The following SLC25A33 variants were observed in gnomAD, a reference collection of about 807,000 sequenced individuals.
SLC25A33 encodes solute carrier family 25 member 33.
Under a neutral mutation model 35.5 loss-of-function variants are expected in SLC25A33, and 15 were observed. The ratio of observed to expected loss-of-function variants is 0.42; its 90% CI spans 0.28 to 0.65. The LOEUF is 0.65. SLC25A33 is among the 30% of genes least tolerant of loss of function. The pLI is 0.20. For missense variants in SLC25A33, 257 were observed against 398.5 expected, an observed-to-expected ratio of 0.64 and a Z score of 3.02; for synonymous variants, 136 against 148.7, an observed-to-expected ratio of 0.91 and a Z score of 0.62.
chr1:9,557,434 C>G (rs1643359990), intron 2 of SLC25A33, among the ~76,000 whole-genome samples: 1 of 152,078 alleles, frequency 6.6e-6, no homozygotes, highest in South Asian at 2.1e-4. Context: ...TGGCTCATGC[C>G]TGTATTCCTA....
chr1:9,575,163 A>G (rs1199858311), intron 5 of SLC25A33, among the ~76,000 whole-genome samples: 1 of 148,776 alleles, frequency 6.7e-6, no homozygotes, highest in African/African-American at 2.5e-5. Flanking sequence ...CAGTGCGCCA[A>G]GATCGTGCCA....
At chr1:9,548,682 T>C (rs1459554058) in intron 1 of SLC25A33, among the ~76,000 whole-genome samples, 1 of 152,250 alleles carries the variant, frequency 6.6e-6, no homozygotes, top group African/African-American at 2.4e-5. Context: ...TGCACATCTC[T>C]TAGAGTATGT....
chr1:9,570,720 T>C (rs1643578725), intron 4 of SLC25A33, among the ~76,000 whole-genome samples: 1 of 146,316 alleles, frequency 6.8e-6, no homozygotes, highest in Non-Finnish European at 1.5e-5. Context: ...TTTTTTTTTT[T>C]TTTTTGAGAC....
intron 1 of SLC25A33, among the ~76,000 whole-genome samples, chr1:9,549,278 G>A (rs1643225578): frequency 1.3e-5 from 2 of 151,510 alleles, no homozygotes; most frequent in Admixed American, 1.3e-4. Context: ...AAGCTCCCCA[G>A]GGCAAGCAAG....
intron 2 of SLC25A33, among the ~76,000 whole-genome samples, chr1:9,558,284 T>G (rs1643374129): frequency 6.6e-6 from 1 of 152,230 alleles, no homozygotes; most frequent in African/African-American, 2.4e-5. Flanking sequence ...CTCCTAGGAC[T>G]GCACCCTTCT....
intron 1 of SLC25A33, among the ~76,000 whole-genome samples, chr1:9,540,715 T>C (rs12140494): frequency 0.37 from 56,590 of 152,060 alleles, 13,509 homozygotes; most frequent in East Asian, 0.89. Context: ...AATAGTTTAT[T>C]CTGGGATGAT....
Position 9,583,281 on chromosome 1 carries a change from AT to A in SLC25A33, c.*785del, listed in dbSNP as rs1343679754. On this transcript the variant is annotated 3_prime_UTR_variant, in exon 7 of 7. Coordinates refer to ENST00000302692, the MANE Select transcript of SLC25A33 (RefSeq NM_032315.3). ...GTGGACCAGGACAAACTTCCCAGCA[AT>A]TTTTCTTCTTTGTACATTTCCAATT... The A allele has an allele frequency of 1.3e-5, 2 of 152,008 alleles. No individual in the cohort carries two copies. The highest frequency in any genetic ancestry group is 2.1e-4 in the South Asian group (1 of 4,812). The allele number at this position is 152,008 out of a possible 1,614,324, so 9.4% of individuals were successfully genotyped here.
chr1:9,564,530 A>G (rs2100394999), intron 2 of SLC25A33, among the ~76,000 whole-genome samples: 1 of 151,936 alleles, frequency 6.6e-6, no homozygotes, highest in African/African-American at 2.4e-5. Context: ...GTGTCCATCG[A>G]TGGGTGAATG....
chr1:9,566,788 G>A (rs779919810), intron 2 of SLC25A33, among the ~76,000 whole-genome samples: 11 of 152,174 alleles, frequency 7.2e-5, no homozygotes, highest in Admixed American at 2.0e-4. Flanking sequence ...GGAAGTTGCA[G>A]TGAGCCGAGA....
rs1354055684 is a variant in SLC25A33 at position 9,582,347 on chromosome 1, T to C, written c.812T>C (p.Phe271Ser). ...LREEGTKYKS[F>S]VQTARLVFRE... is the part of the protein sequence containing the mutation. ...GAAGAGGGCACCAAGTACAAGTCTT[T>C]TGTCCAGACGGCGCGCCTGGTGTTC... Residue 271 changes from phenylalanine (F) to serine (S), a missense_variant, in exon 7 of 7, where the codon TTT (phenylalanine) becomes TCT (serine). By Grantham distance (155) the Phe-to-Ser change is radical. Coordinates refer to ENST00000302692, the MANE Select transcript of SLC25A33 (RefSeq NM_032315.3). The surrounding 1 kb of genome is among the most constrained non-coding windows in gnomAD (Gnocchi z 4.0). 1 of 1,613,874 alleles carries C rather than the reference T, an allele frequency of 6.2e-7. No individual in the cohort carries two copies. Among genetic ancestry groups the C allele is most frequent in the African/African-American group, 1.3e-5 (1 of 74,932 alleles).
intron 2 of SLC25A33, among the ~76,000 whole-genome samples, chr1:9,562,060 A>T (rs1260918541): frequency 6.6e-6 from 1 of 151,304 alleles, no homozygotes. Context: ...AAAAAAAAAA[A>T]AAAAGGGGCA....
intron 5 of SLC25A33, among the ~76,000 whole-genome samples, chr1:9,575,761 C>T (rs1160966721): frequency 6.6e-6 from 1 of 152,194 alleles, no homozygotes; most frequent in East Asian, 1.9e-4. Context: ...ATCTATTCTG[C>T]CCAAAAGAGC....
At chr1:9,580,586 G>A (rs1353901604) in intron 6 of SLC25A33, among the ~76,000 whole-genome samples, 4 of 152,166 alleles carry the variant, frequency 2.6e-5, no homozygotes, top group African/African-American at 9.6e-5. Flanking sequence ...GGCGGGGCAC[G>A]GTGGCTCACG....
chr1:9,563,910 C>T (rs1038224727), intron 2 of SLC25A33, among the ~76,000 whole-genome samples: 7 of 152,160 alleles, frequency 4.6e-5, no homozygotes, highest in South Asian at 2.1e-4. Flanking sequence ...CCACCCGCTT[C>T]GGCCTCCCAA....
At chr1:9,540,560 T>A (rs1203947166) in intron 1 of SLC25A33, among the ~76,000 whole-genome samples, 2 of 152,048 alleles carry the variant, frequency 1.3e-5, no homozygotes, top group African/African-American at 4.8e-5. Context: ...GGTAAAATAT[T>A]TTTGAGTATT....
rs1643046497 is a variant in SLC25A33, at chr1:9,539,728, C to T, written c.37C>T (p.Leu13Phe). The T allele has an allele frequency of 2.8e-6, 4 of 1,407,520 alleles. No individual in the cohort carries two copies. Among genetic ancestry groups the T allele is most frequent in the Non-Finnish European group, 2.8e-6 (3 of 1,079,266 alleles). The allele number at this position is 1,407,520 out of a possible 1,614,324, so 87.2% of individuals were successfully genotyped here. The change falls in exon 1 of 7, where the codon CTT becomes TTT. Residue 13 changes from leucine (L) to phenylalanine (F), a missense_variant. Transcript: ENST00000302692. ...CGGCCAGCAGAAGGAGAACACGCTG[C>T]TTCACCTCTTCGCCGGCGGGTGAGT... ...TGGQQKENTL[L>F]HLFAGGCGGT...
chr1:9,570,369 C>G lies in SLC25A33; in HGVS notation c.415+11C>G. On this transcript the variant is annotated intron_variant, in intron 4 of 6. Transcript: ENST00000302692. ...CAGCTGGCTCTGCAGGTATGTTACCCTAGTGAGTGAAGAGAGGGTCTCTCT... is the reference window on the plus strand; with the variant it reads ...CAGCTGGCTCTGCAGGTATGTTACCGTAGTGAGTGAAGAGAGGGTCTCTCT... 1 of 1,607,286 alleles carries G rather than the reference C, an allele frequency of 6.2e-7. No individual in the cohort carries two copies. Among genetic ancestry groups the G allele is most frequent in the Non-Finnish European group, 8.5e-7 (1 of 1,174,386 alleles).
chr1:9,570,702 G>GTTTTTTT (rs35547370), intron 4 of SLC25A33, among the ~76,000 whole-genome samples: 2 of 100,058 alleles, frequency 2.0e-5, no homozygotes, highest in Non-Finnish European at 3.9e-5. Flanking sequence ...GATAGATATA[G>GTTTTTTT]TTTTTTTTTT....
rs1285722108 is a variant in SLC25A33 at position 9,539,816 on chromosome 1, GC to G, written c.56+73del. On this transcript the variant is annotated intron_variant, in intron 1 of 6. Coordinates refer to ENST00000302692, the MANE Select transcript of SLC25A33 (RefSeq NM_032315.3). ...CCCCTCGGCCTTCGCCCCGGGCGCG[GC>G]CCCAGCCTCCCGCGGCGGTTACCGG... is the stretch of plus-strand genomic sequence containing the variant. The G allele has an allele frequency of 4.0e-6, 5 of 1,239,448 alleles. No homozygotes were observed. The Admixed American group carries it at 1.3e-4, about 32-fold the overall frequency. 76.8% of individuals were successfully genotyped at this position (1,239,448 alleles called of 1,614,324 possible). A position where few individuals can be genotyped will look rare whatever the true frequency, so the allele number is the denominator to read the frequency against.
Sources: gnomAD v4.1 joint callset for allele counts (sites outside exome capture counted in the v4.1 genomes callset) on GRCh38, gnomAD v4.1.1 for gene constraint, Gnocchi (gnomAD v3.1) non-coding constraint, MANE v1.5 for transcripts, NCBI Gene and HGNC (gene_info 2026-07-23, HGNC 2026-07-21) for gene names.